The following SDK1 variants were observed in gnomAD, a reference collection of about 807,000 sequenced individuals.
SDK1 encodes the protein protein sidekick-1.
In SDK1, 157 loss-of-function variants were observed where a neutral mutation model predicts 245.5. That is an observed-to-expected ratio of 0.64 (90% CI 0.56 to 0.73). SDK1 has a LOEUF of 0.73. Among genes scored for constraint, SDK1 ranks in the 30% least tolerant of loss-of-function variants. The pLI is 0.00. For missense variants in SDK1, 3,583 were observed against 3,002.3 expected, an observed-to-expected ratio of 1.19 and a Z score of -4.52; for synonymous variants, 1,647 against 1,278.5, an observed-to-expected ratio of 1.29 and a Z score of -6.15.
rs543002122 is a variant in SDK1 at position 3,835,879 on chromosome 7, A to G, written c.847+14296A>G. Among the ~76,000 whole-genome samples, 4 of 152,302 alleles carry G rather than the reference A, an allele frequency of 2.6e-5. No individual in the cohort carries two copies. The South Asian group carries it at 8.3e-4, about 32-fold the overall frequency. On this transcript the variant is annotated intron_variant, in intron 5 of 44. Coordinates refer to ENST00000404826, the MANE Select transcript of SDK1 (RefSeq NM_152744.4). ...CACATCCTGAGTTTCTGCCACTTAC[A>G]TTTTCAAACCTTTGCCTGTTTTAAA...
chr7:3,776,534 A>G (rs919015889), intron 4 of SDK1, among the ~76,000 whole-genome samples: 47 of 152,192 alleles, frequency 3.1e-4, no homozygotes, highest in African/African-American at 1.0e-3. Flanking sequence ...TTCGTCACCT[A>G]TCTCACAGGT....
intron 4 of SDK1, among the ~76,000 whole-genome samples, chr7:3,784,424 C>G (rs1780839643): frequency 1.3e-5 from 2 of 151,868 alleles, no homozygotes; most frequent in East Asian, 1.9e-4. Context: ...TAAAACTAAT[C>G]TACAGAGTAA....
intron 19 of SDK1, among the ~76,000 whole-genome samples, chr7:4,057,045 G>A (rs959751127): frequency 6.6e-6 from 1 of 152,178 alleles, no homozygotes; most frequent in African/African-American, 2.4e-5. Flanking sequence ...CTTGAGGACA[G>A]ACTTCGCTTC....
At chr7:3,737,516 T>C (rs926462217) in intron 4 of SDK1, among the ~76,000 whole-genome samples, 1 of 152,210 alleles carries the variant, frequency 6.6e-6, no homozygotes, top group African/African-American at 2.4e-5. Context: ...GGCTGGGGAC[T>C]GATGGTGGGC....
intron 14 of SDK1, among the ~76,000 whole-genome samples, chr7:3,987,653 A>T (rs976786495): frequency 6.6e-6 from 1 of 152,080 alleles, no homozygotes; most frequent in African/African-American, 2.4e-5. Context: ...CACCTGGGTG[A>T]CTTGAGAGTT....
intron 32 of SDK1, among the ~76,000 whole-genome samples, chr7:4,166,755 T>C (rs982465461): frequency 2.0e-5 from 3 of 152,216 alleles, no homozygotes; most frequent in Non-Finnish European, 4.4e-5. Flanking sequence ...CTGCCTGAAC[T>C]CGCAGGAGAC....
intron 1 of SDK1, among the ~76,000 whole-genome samples, chr7:3,564,027 G>A (rs907801832): frequency 2.0e-5 from 3 of 152,046 alleles, no homozygotes; most frequent in African/African-American, 7.2e-5. Flanking sequence ...TTTCAGATTT[G>A]TAGGATGTAG....
intron 1 of SDK1, among the ~76,000 whole-genome samples, chr7:3,464,973 C>T (rs943437035): frequency 1.3e-5 from 2 of 151,998 alleles, no homozygotes; most frequent in African/African-American, 2.4e-5. Flanking sequence ...TAATGTACTT[C>T]GTGCTGCTAA....
chr7:3,668,881 A>G (rs1455493490), intron 4 of SDK1, among the ~76,000 whole-genome samples: 1 of 152,218 alleles, frequency 6.6e-6, no homozygotes, highest in East Asian at 1.9e-4. Flanking sequence ...CACTAGCTGA[A>G]AGAGTCACAA....
At chr7:3,525,536 G>C (rs1783098730) in intron 1 of SDK1, among the ~76,000 whole-genome samples, 1 of 152,138 alleles carries the variant, frequency 6.6e-6, no homozygotes, top group Non-Finnish European at 1.5e-5. Context: ...AACCTGGAAA[G>C]TGTTTTTGGT....
At chr7:3,361,342 A>G (rs1297528212) in intron 1 of SDK1, among the ~76,000 whole-genome samples, 1 of 152,228 alleles carries the variant, frequency 6.6e-6, no homozygotes, top group Non-Finnish European at 1.5e-5. Context: ...TTGCATTTCT[A>G]TCATAGGACC....
intron 1 of SDK1, among the ~76,000 whole-genome samples, chr7:3,468,817 A>G (rs1352727570): frequency 1.3e-5 from 2 of 152,164 alleles, no homozygotes; most frequent in African/African-American, 4.8e-5. Flanking sequence ...GGTCTTCATT[A>G]TGAAGGCCTC....
chr7:3,918,797 C>T (rs1779481537), intron 5 of SDK1, among the ~76,000 whole-genome samples: 1 of 152,100 alleles, frequency 6.6e-6, no homozygotes. Context: ...GGCGGTTCTA[C>T]CGAGAGACTT....
At chr7:3,384,362 C>G (rs988105419) in intron 1 of SDK1, among the ~76,000 whole-genome samples, 1 of 152,136 alleles carries the variant, frequency 6.6e-6, no homozygotes, top group Non-Finnish European at 1.5e-5. Context: ...CTGAAGGACA[C>G]TCTGAAGAGT....
At chr7:3,796,445 C>A (rs1778962099) in intron 4 of SDK1, among the ~76,000 whole-genome samples, 1 of 152,200 alleles carries the variant, frequency 6.6e-6, no homozygotes, top group Admixed American at 6.5e-5. Context: ...ACGCAGAGCT[C>A]CTCAAGGGCA....
At chr7:3,513,966 TTC>T (rs1782656678) in intron 1 of SDK1, among the ~76,000 whole-genome samples, 1 of 152,250 alleles carries the variant, frequency 6.6e-6, no homozygotes, top group African/African-American at 2.4e-5. Flanking sequence ...CAAGATTTTA[TTC>T]TCTTTTATGG....
At chr7:4,129,548 C>T in intron 26 of SDK1, 1 of 610,790 alleles carries the variant, frequency 1.6e-6, no homozygotes, top group South Asian at 3.6e-5. Flanking sequence ...CAGGGGGCTG[C>T]TGGCTCCTGT....
At chr7:3,551,189 G>A (rs1479979235) in intron 1 of SDK1, among the ~76,000 whole-genome samples, 1 of 152,052 alleles carries the variant, frequency 6.6e-6, no homozygotes, top group African/African-American at 2.4e-5. Context: ...ACCGGGGGTG[G>A]GGGGCCCAAC....
At chr7:3,748,833 TG>T (rs1298863644) in intron 4 of SDK1, among the ~76,000 whole-genome samples, 2 of 152,216 alleles carry the variant, frequency 1.3e-5, no homozygotes, top group African/African-American at 4.8e-5. Context: ...AGGTACCGAA[TG>T]CTTTTGTTTT....
Sources: allele counts gnomAD v4.1 joint callset (sites outside exome capture counted in the v4.1 genomes callset), GRCh38; gene constraint gnomAD v4.1.1; transcripts MANE v1.5; gene names NCBI Gene and HGNC (gene_info 2026-07-23, HGNC 2026-07-21).